The following KLHL1 variants were observed in gnomAD, a reference collection of about 807,000 sequenced individuals.
KLHL1 encodes the protein kelch like family member 1.
KLHL1 carries 47 observed loss-of-function variants against 77.7 expected under a neutral mutation model. The observed-to-expected ratio is 0.60, with a 90% CI of 0.48 to 0.77. The LOEUF (loss-of-function observed/expected upper bound fraction) is 0.77, where lower values mean the gene tolerates loss of function less well. Among genes scored for constraint, KLHL1 ranks in the 30% least tolerant of loss-of-function variants. KLHL1 has a pLI of 0.00. For synonymous variants in KLHL1, 360 were observed against 325.2 expected (o/e 1.11, Z -1.15); for missense variants, 925 against 910.8 (o/e 1.02, Z -0.20).
In KLHL1 at chr13:70,108,017, G is replaced by T. The variant is rs890972753; in HGVS notation, c.-318C>A. 9.0e-6 allele frequency: 4 copies of T among 443,046 alleles called. No homozygotes were observed. The highest frequency in any genetic ancestry group is 1.2e-5 in the Non-Finnish European group (3 of 252,098). The allele number at this position is 443,046 out of a possible 1,614,324, so 27.4% of individuals were successfully genotyped here. A position where few individuals can be genotyped will look rare whatever the true frequency, so the allele number is the denominator to read the frequency against. ...CCGCGCGAGAGCCCCGTGTTATGGC[G>T]AGGTGGGACAACCCTTAGGCTGGAG... On this transcript the variant is annotated 5_prime_UTR_variant, in exon 1 of 11. Coordinates refer to ENST00000377844, the MANE Select transcript of KLHL1 (RefSeq NM_020866.3).
At chr13:70,089,933 A>C (rs1887634015) in intron 1 of KLHL1, among the ~76,000 whole-genome samples, 1 of 152,070 alleles carries the variant, frequency 6.6e-6, no homozygotes, top group Non-Finnish European at 1.5e-5. Context: ...CATTAAAGTA[A>C]CCAAAGCTAG....
chr13:69,907,172 G>A (rs1882071782), intron 4 of KLHL1, among the ~76,000 whole-genome samples: 1 of 151,918 alleles, frequency 6.6e-6, no homozygotes, highest in South Asian at 2.1e-4. Context: ...TTATGTTTGT[G>A]AGCAAAGCTC....
rs74093233 is a variant in KLHL1 at position 70,068,636 on chromosome 13, A to G, written c.497+38567T>C. On this transcript the variant is annotated intron_variant, in intron 1 of 10. Transcript: ENST00000377844. Reference sequence around the variant, plus strand: ...AAATGTGCCTATTTTGTGAGTGGAAATAGAGCTGTTTCTGTTTATCCCTAA... The same window carrying G: ...AAATGTGCCTATTTTGTGAGTGGAAGTAGAGCTGTTTCTGTTTATCCCTAA... Among the ~76,000 whole-genome samples, 1,414 of 152,338 alleles carry G rather than the reference A, an allele frequency of 9.3e-3. 19 individuals carry two copies. Among genetic ancestry groups the G allele is most frequent in the African/African-American group, 0.031 (1,308 of 41,572 alleles).
intron 2 of KLHL1, among the ~76,000 whole-genome samples, chr13:69,962,415 G>T (rs536656259): frequency 2.0e-4 from 30 of 151,916 alleles, no homozygotes; most frequent in African/African-American, 7.2e-4. Context: ...ATATTCTTTT[G>T]ACTTATTCCT....
intron 1 of KLHL1, among the ~76,000 whole-genome samples, chr13:70,055,958 A>G (rs1886734756): frequency 6.6e-6 from 1 of 152,084 alleles, no homozygotes; most frequent in Non-Finnish European, 1.5e-5. Flanking sequence ...ACTAACACTA[A>G]TAAGTCCTTA....
chr13:69,892,043 TA>T (rs1166441145), intron 4 of KLHL1, among the ~76,000 whole-genome samples: 2 of 152,136 alleles, frequency 1.3e-5, no homozygotes, highest in East Asian at 3.8e-4. Context: ...TAGTAGTATT[TA>T]TTTTTATAAT....
intron 8 of KLHL1, among the ~76,000 whole-genome samples, chr13:69,731,590 A>G (rs1333184687): frequency 6.6e-6 from 1 of 152,212 alleles, no homozygotes; most frequent in Non-Finnish European, 1.5e-5. Context: ...GAGAGTGATT[A>G]TAGTGTAAAG....
intron 4 of KLHL1, among the ~76,000 whole-genome samples, chr13:69,926,246 T>C (rs1438406288): frequency 1.3e-5 from 2 of 152,198 alleles, no homozygotes; most frequent in Non-Finnish European, 2.9e-5. Flanking sequence ...TGCCCACACC[T>C]AACCAGTCAG....
At chr13:69,908,305 C>T (rs909430565) in intron 4 of KLHL1, among the ~76,000 whole-genome samples, 5 of 150,876 alleles carry the variant, frequency 3.3e-5, no homozygotes, top group Admixed American at 6.6e-5. Context: ...TTCAAAGGGC[C>T]GAGAAGATGG....
intron 1 of KLHL1, among the ~76,000 whole-genome samples, chr13:70,012,163 G>T (rs546159782): frequency 1.3e-5 from 2 of 152,214 alleles, no homozygotes; most frequent in Admixed American, 1.3e-4. Context: ...TGGGGACACA[G>T]CCAAATCATA....
At chr13:69,745,658 A>AT (rs1376851104) in intron 7 of KLHL1, among the ~76,000 whole-genome samples, 1 of 151,972 alleles carries the variant, frequency 6.6e-6, no homozygotes, top group East Asian at 1.9e-4. Context: ...AAATTAAAAC[A>AT]ATAAACTTTT....
chr13:70,042,313 G>A (rs921360632), intron 1 of KLHL1, among the ~76,000 whole-genome samples: 1 of 152,082 alleles, frequency 6.6e-6, no homozygotes, highest in South Asian at 2.1e-4. Flanking sequence ...GTGGGTGTGT[G>A]TGTGTATTTT....
intron 4 of KLHL1, among the ~76,000 whole-genome samples, chr13:69,923,581 C>T (rs147186885): frequency 3.3e-5 from 5 of 152,052 alleles, no homozygotes; most frequent in African/African-American, 1.2e-4. Flanking sequence ...ACTATGTTAT[C>T]TTTGAGGTGA....
At chr13:69,725,342 A>G (rs1341507785) in intron 8 of KLHL1, among the ~76,000 whole-genome samples, 1 of 152,148 alleles carries the variant, frequency 6.6e-6, no homozygotes, top group Non-Finnish European at 1.5e-5. Flanking sequence ...AGTTACCACA[A>G]CCATGGTTCA....
At position 69,879,986 on chromosome 13, in the gene KLHL1, T is replaced by G. The variant is rs2138191843; in HGVS notation, c.1227+2297A>C. Among the ~76,000 whole-genome samples the G allele has an allele frequency of 2.0e-5, 3 of 152,330 alleles. 1 individual carries two copies. In the South Asian group the frequency reaches 6.2e-4, roughly 32 times the overall value. On this transcript the variant is annotated intron_variant, in intron 5 of 10. Coordinates refer to ENST00000377844, the MANE Select transcript of KLHL1 (RefSeq NM_020866.3). The stretch of plus-strand genomic sequence containing the variant: ...TTCCTATCAAACTGCTGTTCTTCCA[T>G]CTTCAGTGTCTTTAAAAGAACCTTC...
At chr13:69,754,999 T>G (rs960922381) in intron 7 of KLHL1, among the ~76,000 whole-genome samples, 1 of 152,124 alleles carries the variant, frequency 6.6e-6, no homozygotes, top group South Asian at 2.1e-4. Flanking sequence ...CTTACTTGAA[T>G]CCTTATTATG....
chr13:69,930,028 G>A (rs1212011235), intron 4 of KLHL1, among the ~76,000 whole-genome samples: 2 of 151,756 alleles, frequency 1.3e-5, no homozygotes, highest in Admixed American at 6.6e-5. Context: ...TAAGATATCA[G>A]AAAAATTATT....
intron 8 of KLHL1, among the ~76,000 whole-genome samples, chr13:69,725,586 A>G (rs916340088): frequency 2.6e-5 from 4 of 152,086 alleles, no homozygotes; most frequent in African/African-American, 9.7e-5. Context: ...ATTGGTGGAC[A>G]ATTAGCCAAA....
At chr13:69,779,743 G>A (rs1044866737) in intron 7 of KLHL1, among the ~76,000 whole-genome samples, 2 of 151,890 alleles carry the variant, frequency 1.3e-5, no homozygotes, top group Admixed American at 1.3e-4. Context: ...AGTGAAGATG[G>A]TAAAGTTATC....
Sources: gnomAD v4.1 joint callset for allele counts (sites outside exome capture counted in the v4.1 genomes callset) on GRCh38, gnomAD v4.1.1 for gene constraint, MANE v1.5 for transcripts, NCBI Gene and HGNC (gene_info 2026-07-23, HGNC 2026-07-21) for gene names.